The following ABCG2 variants were observed in gnomAD, a reference collection of about 807,000 sequenced individuals.
The protein encoded by ABCG2 is ATP binding cassette subfamily G member 2 (JR blood group).
ABCG2 carries 80 observed loss-of-function variants against 73.5 expected under a neutral mutation model. The observed-to-expected ratio is 1.09, with a 90% CI of 0.91 to 1.31. ABCG2 has a LOEUF of 1.31. Ranked by LOEUF, ABCG2 falls within the 50% of genes most tolerant of loss-of-function variation. ABCG2 has a pLI of 0.00. For synonymous variants in ABCG2, 269 were observed against 282.4 expected (o/e 0.95, Z 0.48); for missense variants, 796 against 786.2 (o/e 1.01, Z -0.15).
chr4:88,183,329 C>G (rs1385960446), intron 1 of ABCG2, among the ~76,000 whole-genome samples: 1 of 151,272 alleles, frequency 6.6e-6, no homozygotes, highest in African/African-American at 2.4e-5. Flanking sequence ...TTTAGCCAGA[C>G]TAATGAAGAA....
chr4:88,212,513 C>T (rs1485645907), intron 1 of ABCG2, among the ~76,000 whole-genome samples: 3 of 152,224 alleles, frequency 2.0e-5, no homozygotes, highest in Non-Finnish European at 4.4e-5. Context: ...CTCCACCCTG[C>T]GTTACCTATG....
intron 1 of ABCG2, among the ~76,000 whole-genome samples, chr4:88,193,614 G>C (rs1728796380): frequency 8.5e-5 from 13 of 152,084 alleles, no homozygotes. Flanking sequence ...ATGATATCAA[G>C]CTCAACTACA....
rs1726017093 is a variant in ABCG2, at chr4:88,146,540, G to A, written c.-19-6526C>T. Among the ~76,000 whole-genome samples, 9 of 152,034 alleles carry A rather than the reference G, an allele frequency of 5.9e-5. No homozygotes were observed. The South Asian group carries it at 1.9e-3, about 32-fold the overall frequency. ...CTCCCAAGTAGCTGGGACTACAGGC[G>A]CCCACCACCACACTTGGCGATTTTT... is the stretch of plus-strand genomic sequence containing the variant. On this transcript the variant is annotated intron_variant, in intron 1 of 15. Transcript: ENST00000237612.
In ABCG2 at chr4:88,091,162, T is replaced by A. The variant is rs982677882; in HGVS notation, c.*1072A>T. 4.6e-5 allele frequency: 7 copies of A among 152,208 alleles called. No homozygotes were observed. The highest frequency in any genetic ancestry group is 1.7e-4 in the African/African-American group (7 of 41,444). The allele number at this position is 152,208 out of a possible 1,614,324, so 9.4% of individuals were successfully genotyped here. ...CTGAGTAGGCTTTTGTGTGCTACAA[T>A]CTTCTATTTCTTGACCTGAATTGAT... On this transcript the variant is annotated 3_prime_UTR_variant, in exon 16 of 16. Coordinates refer to ENST00000237612, the MANE Select transcript of ABCG2 (RefSeq NM_004827.3).
intron 1 of ABCG2, among the ~76,000 whole-genome samples, chr4:88,193,047 G>T (rs147485298): frequency 6.2e-4 from 95 of 152,050 alleles, no homozygotes; most frequent in African/African-American, 2.0e-3. Flanking sequence ...AAGTGACAAT[G>T]TGCCCTTTCA....
intron 1 of ABCG2, among the ~76,000 whole-genome samples, chr4:88,179,342 G>A (rs933599616): frequency 1.3e-5 from 2 of 152,104 alleles, no homozygotes; most frequent in Non-Finnish European, 2.9e-5. Flanking sequence ...AGCGCGACAG[G>A]GCTTGGGGTG....
intron 15 of ABCG2, 117 bp downstream of exon 15, chr4:88,094,460 T>C (rs1406792163): frequency 1.0e-5 from 8 of 794,994 alleles, no homozygotes; most frequent in Non-Finnish European, 8.2e-6. Context: ...TGAGAAAACG[T>C]AGGCTCGGAA....
At chr4:88,220,861 A>C (rs1414957223) in intron 1 of ABCG2, among the ~76,000 whole-genome samples, 1 of 152,086 alleles carries the variant, frequency 6.6e-6, no homozygotes, top group Non-Finnish European at 1.5e-5. Flanking sequence ...CTCCTTCCTG[A>C]TACCATGTGA....
chr4:88,121,900 A>G, intron 5 of ABCG2, 108 bp from the exon 6 acceptor site: 2 of 1,100,042 alleles, frequency 1.8e-6, no homozygotes, highest in South Asian at 3.1e-5. Context: ...CATTAAGTTC[A>G]TTTATTCTGA....
At chr4:88,113,606 G>A in intron 8 of ABCG2, 53 bp from the exon 9 acceptor site, 1 of 1,584,004 alleles carries the variant, frequency 6.3e-7, no homozygotes, top group Non-Finnish European at 8.6e-7. Flanking sequence ...AACAAATTTA[G>A]CCCATTTTTT....
chr4:88,154,648 T>A lies in ABCG2; in HGVS notation c.-20+3738A>T, dbSNP rs186738943. On this transcript the variant is annotated intron_variant, in intron 1 of 15. Coordinates refer to ENST00000237612, the MANE Select transcript of ABCG2 (RefSeq NM_004827.3). ...ATGCGGAAATGGGGTGAATGCCCGG[T>A]GGATCAGAGAGATAGTCATGGGGGT... Among the ~76,000 whole-genome samples the A allele has an allele frequency of 3.9e-5, 6 of 152,118 alleles. No individual in the cohort carries two copies. The East Asian group carries it at 7.7e-4, about 20-fold the overall frequency.
At chr4:88,224,988 T>C (rs973290680) in intron 1 of ABCG2, among the ~76,000 whole-genome samples, 1 of 152,236 alleles carries the variant, frequency 6.6e-6, no homozygotes, top group African/African-American at 2.4e-5. Flanking sequence ...CAAAAACCAC[T>C]TGGCCGTGTG....
chr4:88,113,678 A>G, intron 8 of ABCG2, 125 bp from the exon 9 acceptor site: 1 of 1,284,316 alleles, frequency 7.8e-7, no homozygotes, highest in South Asian at 1.5e-5. Flanking sequence ...GAAAGAAAAA[A>G]TAGGCCAGGC....
chr4:88,220,529 T>TCTAA (rs1560465493), intron 1 of ABCG2: 100 of 152,748 alleles, frequency 6.5e-4, no homozygotes, highest in African/African-American at 2.3e-3. Flanking sequence ...AAAATGTGTT[T>TCTAA]ATTGGGGTGG....
rs765187069 is a variant in ABCG2 at position 88,097,495 on chromosome 4, A to G, written c.1605T>C (p.Ser535=). The G allele has an allele frequency of 1.2e-6, 2 of 1,614,212 alleles. No individual in the cohort carries two copies. Among genetic ancestry groups the G allele is most frequent in the Non-Finnish European group, 1.7e-6 (2 of 1,180,012 alleles). Reference sequence around the variant, plus strand: ...AGATGGTCATGAGAAGTGTTGCTACAGAAACCACACTCTGACCTGCTGCTA... The same window carrying G: ...AGATGGTCATGAGAAGTGTTGCTACGGAAACCACACTCTGACCTGCTGCTA... ...LAIAAGQSVV[S]VATLLMTICF... The change falls in exon 13 of 16, where the codon TCT becomes TCC. Residue 535 remains serine, a synonymous_variant. Coordinates refer to ENST00000237612, the MANE Select transcript of ABCG2 (RefSeq NM_004827.3).
Position 88,094,601 on chromosome 4 carries a change from C to A in ABCG2, c.1796G>T (p.Gly599Val). 6.2e-7 allele frequency: 1 copy of A among 1,613,936 alleles called. No homozygotes were observed. Among genetic ancestry groups the A allele is most frequent in the Non-Finnish European group, 8.5e-7 (1 of 1,179,838 alleles). Residue 599 changes from glycine to valine, a missense_variant, in exon 15 of 16, where the codon GGA (glycine) becomes GTA (valine). Transcript: ENST00000237612. ...QNFCPGLNATGNNPCNYATCT... is the reference protein window; with the variant it reads ...QNFCPGLNATVNNPCNYATCT... ...CGTTGCATAGTTACAAGGATTGTTT[C>A]CTGTTGCATTGAGTCCTGGGCAGAA...
chr4:88,169,709 C>T (rs1727679906), intron 1 of ABCG2, among the ~76,000 whole-genome samples: 1 of 152,032 alleles, frequency 6.6e-6, no homozygotes, highest in Admixed American at 6.6e-5. Flanking sequence ...AGTAAGTAAA[C>T]GATGATTCCG....
Position 88,202,354 on chromosome 4 carries a change from T to TATATATATATATATATG in ABCG2, c.-20+28639_-20+28640insCATATATATATATATAT, listed in dbSNP as rs1553945717. Among the ~76,000 whole-genome samples, 2 of 62,086 alleles carry TATATATATATATATATG rather than the reference T, an allele frequency of 3.2e-5. 1 individual carries two copies. The highest frequency in any genetic ancestry group is 6.4e-5 in the Non-Finnish European group (2 of 31,014). 40.7% of individuals were successfully genotyped at this position (62,086 alleles called of 152,430 possible). On this transcript the variant is annotated intron_variant, in intron 1 of 15. Coordinates refer to the ABCG2 transcript ENST00000515655. The stretch of plus-strand genomic sequence containing the variant: ...AGGAGGACCCCATCTCTACAATTAT[T>TATATATATATATATATG]TATATATATATATATATATATATGT...
intron 11 of ABCG2, 54 bp from the exon 12 acceptor site, chr4:88,099,502 G>C (rs965915861): frequency 3.3e-6 from 5 of 1,529,240 alleles, no homozygotes; most frequent in Non-Finnish European, 4.4e-6. Context: ...GAAGCCACAG[G>C]GCAGGCTAGA....
Sources: gnomAD v4.1 joint callset for allele counts (sites outside exome capture counted in the v4.1 genomes callset) on GRCh38, gnomAD v4.1.1 for gene constraint, MANE v1.5 for transcripts, NCBI Gene and HGNC (gene_info 2026-07-23, HGNC 2026-07-21) for gene names.